TDRP: variants seen among roughly 807,000 people sequenced by gnomAD.
TDRP encodes testis development related protein.
TDRP carries 12 observed loss-of-function variants against 10.5 expected under a neutral mutation model. That is an observed-to-expected ratio of 1.15 (90% CI 0.73 to 1.86). The LOEUF (loss-of-function observed/expected upper bound fraction) is 1.86, where lower values mean the gene tolerates loss of function less well. Among genes scored for constraint, TDRP ranks in the 40% most tolerant of loss-of-function variants. TDRP has a pLI of 0.00. For missense variants in TDRP, 353 were observed against 229.2 expected (o/e 1.54, Z -3.49); for synonymous variants, 139 against 95.4 (o/e 1.46, Z -2.67).
intron 1 of TDRP, among the ~76,000 whole-genome samples, chr8:502,605 C>A (rs1366751009): frequency 1.3e-5 from 2 of 152,216 alleles, no homozygotes; most frequent in Non-Finnish European, 2.9e-5. Context: ...TACCTCAGCA[C>A]GTGTCAACAT....
At chr8:538,183 C>T (rs1259527713) in intron 1 of TDRP, among the ~76,000 whole-genome samples, 1 of 152,142 alleles carries the variant, frequency 6.6e-6, no homozygotes, top group Non-Finnish European at 1.5e-5. Flanking sequence ...AAAGGAGTCT[C>T]GGGATGGGAA....
chr8:500,511 C>A (rs556585938), intron 1 of TDRP, among the ~76,000 whole-genome samples: 1 of 152,300 alleles, frequency 6.6e-6, no homozygotes. Context: ...GAAAAGAGAT[C>A]CTCATCTAAC....
At chr8:529,073 T>A (rs1013466208) in intron 1 of TDRP, among the ~76,000 whole-genome samples, 1 of 152,164 alleles carries the variant, frequency 6.6e-6, no homozygotes, top group Non-Finnish European at 1.5e-5. Flanking sequence ...TCTGTCTGCT[T>A]TATATCCTGG....
upstream of TDRP, among the ~76,000 whole-genome samples, chr8:545,447 C>T (rs1320848473): frequency 6.6e-6 from 1 of 150,880 alleles, no homozygotes; most frequent in African/African-American, 2.4e-5. Flanking sequence ...GGACTGCCCC[C>T]TCCCCCCACC....
intron 1 of TDRP, among the ~76,000 whole-genome samples, chr8:508,704 C>G (rs1463985978): frequency 6.6e-6 from 1 of 152,184 alleles, no homozygotes; most frequent in Non-Finnish European, 1.5e-5. Flanking sequence ...CATTCCACCC[C>G]TGGCCCCTCC....
intron 1 of TDRP, among the ~76,000 whole-genome samples, chr8:512,276 A>C (rs28837758): frequency 0.25 from 37,333 of 150,980 alleles, 4,703 homozygotes; most frequent in Admixed American, 0.31. Flanking sequence ...ACAACAACAA[A>C]AAAAAAAATG....
chr8:517,625 G>A (rs1017952826), intron 1 of TDRP, among the ~76,000 whole-genome samples: 14 of 152,078 alleles, frequency 9.2e-5, no homozygotes, highest in Non-Finnish European at 1.8e-4. Flanking sequence ...AGCCTTTCCA[G>A]GCCAAACCAA....
At chr8:535,797 AGTGTAGGGGTGG>A (rs1802333238) in intron 1 of TDRP, among the ~76,000 whole-genome samples, 3 of 139,226 alleles carry the variant, frequency 2.2e-5, no homozygotes, top group Admixed American at 7.0e-5. Flanking sequence ...GGCAGGTCTC[AGTGTAGGGGTGG>A]GCCCACCCGA....
chr8:536,615 GA>G (rs1802353675), intron 1 of TDRP, among the ~76,000 whole-genome samples: 1 of 152,030 alleles, frequency 6.6e-6, no homozygotes, highest in Non-Finnish European at 1.5e-5. Flanking sequence ...ATGAGAGTAT[GA>G]AAAAAATGTA....
intron 1 of TDRP, among the ~76,000 whole-genome samples, chr8:498,088 G>A (rs887795960): frequency 9.9e-5 from 15 of 152,198 alleles, no homozygotes; most frequent in Admixed American, 5.9e-4. Context: ...GCATGCAAGG[G>A]AAATGTGGGG....
intron 1 of TDRP, among the ~76,000 whole-genome samples, chr8:535,186 C>A (rs904398270): frequency 6.6e-6 from 1 of 152,172 alleles, no homozygotes; most frequent in Non-Finnish European, 1.5e-5. Context: ...CCACAGCCCC[C>A]AAGGCCTCTC....
intron 1 of TDRP, among the ~76,000 whole-genome samples, chr8:511,239 A>G (rs1232267867): frequency 6.6e-6 from 1 of 152,242 alleles, no homozygotes; most frequent in Non-Finnish European, 1.5e-5. Flanking sequence ...TATAGGAGAC[A>G]CACTTTAGAA....
intron 1 of TDRP, among the ~76,000 whole-genome samples, chr8:522,431 C>A (rs866207045): frequency 2.6e-5 from 4 of 152,172 alleles, no homozygotes; most frequent in Non-Finnish European, 4.4e-5. Flanking sequence ...TGAGACTCAT[C>A]TCTCCCTTTG....
upstream of TDRP, among the ~76,000 whole-genome samples, chr8:545,448 T>TC (rs1003872330): frequency 1.3e-5 from 1 of 74,346 alleles, no homozygotes; most frequent in African/African-American, 5.1e-5. Flanking sequence ...GACTGCCCCC[T>TC]CCCCCCACCC....
At chr8:513,704 C>T (rs1194053708) in intron 1 of TDRP, among the ~76,000 whole-genome samples, 1 of 152,210 alleles carries the variant, frequency 6.6e-6, no homozygotes, top group African/African-American at 2.4e-5. Flanking sequence ...CAAAATGAAA[C>T]TATCTCTATT....
intron 1 of TDRP, among the ~76,000 whole-genome samples, chr8:533,250 C>T (rs1475826230): frequency 6.6e-6 from 1 of 152,208 alleles, no homozygotes; most frequent in African/African-American, 2.4e-5. Flanking sequence ...CATGTCACTG[C>T]TGGGCTCCTC....
In TDRP at chr8:490,421, C is replaced by G. The variant is rs1467908648; in HGVS notation, c.*1978G>C. 6.6e-6 allele frequency: 1 copy of G among 152,218 alleles called. No individual in the cohort carries two copies. Among genetic ancestry groups the G allele is most frequent in the African/African-American group, 2.4e-5 (1 of 41,452 alleles). The allele number at this position is 152,218 out of a possible 1,614,324, so 9.4% of individuals were successfully genotyped here. A position where few individuals can be genotyped will look rare whatever the true frequency, so the allele number is the denominator to read the frequency against. ...CTATGATTGACGTGAGTTGCAGGCA[C>G]TTAGCGTTCCAACAGAGGCACGGCA... is the stretch of plus-strand genomic sequence containing the variant. On this transcript the variant is annotated 3_prime_UTR_variant, in exon 3 of 3. Transcript: ENST00000324079.
chr8:506,665 G>C (rs1267683690), intron 1 of TDRP, among the ~76,000 whole-genome samples: 1 of 152,178 alleles, frequency 6.6e-6, no homozygotes, highest in African/African-American at 2.4e-5. Flanking sequence ...TCAGTTCCCA[G>C]AGCAGGACTG....
At chr8:541,880 A>G (rs1802503496) in intron 1 of TDRP, among the ~76,000 whole-genome samples, 1 of 152,180 alleles carries the variant, frequency 6.6e-6, no homozygotes, top group Non-Finnish European at 1.5e-5. Context: ...TCACCATGCA[A>G]TCCAGCAATC....
Sources: allele counts gnomAD v4.1 joint callset (sites outside exome capture counted in the v4.1 genomes callset), GRCh38; gene constraint gnomAD v4.1.1; transcripts MANE v1.5; gene names NCBI Gene and HGNC (gene_info 2026-07-23, HGNC 2026-07-21).